Variants in RAB28 observed in about 807,000 individuals in gnomAD.
The protein encoded by RAB28 is RAB28, member RAS oncogene family.
In RAB28, 24 loss-of-function variants were observed where a neutral mutation model predicts 31.7. The ratio of observed to expected loss-of-function variants is 0.76; its 90% CI spans 0.55 to 1.06. The LOEUF (loss-of-function observed/expected upper bound fraction) is 1.06, where lower values mean the gene tolerates loss of function less well. RAB28 is among the 50% of genes least tolerant of loss of function. The probability of loss-of-function intolerance (pLI) is 0.00; values close to 1 mark genes in which losing one functional copy is unlikely to be tolerated. For missense variants in RAB28, 254 were observed against 258.5 expected (o/e 0.98, Z 0.12); for synonymous variants, 100 against 90.4 (o/e 1.11, Z -0.60).
intron 5 of RAB28, among the ~76,000 whole-genome samples, chr4:13,381,004 CCA>C (rs1267146699): frequency 1.3e-5 from 2 of 151,578 alleles, no homozygotes; most frequent in African/African-American, 4.8e-5. Flanking sequence ...ACTGTGAGCC[CCA>C]GAGTGTCACT....
At chr4:13,455,584 G>C (rs1715255789) in intron 4 of RAB28, among the ~76,000 whole-genome samples, 1 of 152,216 alleles carries the variant, frequency 6.6e-6, no homozygotes, top group South Asian at 2.1e-4. Context: ...CTCGTCTCAA[G>C]ATGGCACCAT....
At chr4:13,438,552 T>G (rs1003069804) in intron 4 of RAB28, among the ~76,000 whole-genome samples, 1 of 152,158 alleles carries the variant, frequency 6.6e-6, no homozygotes, top group Non-Finnish European at 1.5e-5. Context: ...CTACCTGGCT[T>G]CTTTTATTTA....
intron 4 of RAB28, among the ~76,000 whole-genome samples, chr4:13,421,838 T>C (rs1221166224): frequency 6.6e-6 from 1 of 152,082 alleles, no homozygotes; most frequent in Non-Finnish European, 1.5e-5. Context: ...GACACAGGCA[T>C]GGGCAAGGAC....
chr4:13,422,067 C>A (rs1339346613), intron 4 of RAB28, among the ~76,000 whole-genome samples: 20 of 149,846 alleles, frequency 1.3e-4, no homozygotes, highest in Non-Finnish European at 2.7e-4. Flanking sequence ...AAAAAAAAAA[C>A]AACCCCATCA....
At chr4:13,414,260 T>C (rs1481525063) in intron 4 of RAB28, among the ~76,000 whole-genome samples, 1 of 152,188 alleles carries the variant, frequency 6.6e-6, no homozygotes, top group Non-Finnish European at 1.5e-5. Flanking sequence ...ACATACTACC[T>C]TAACAGGTTA....
In RAB28 at chr4:13,451,438, G is replaced by C. The variant is rs1181083295; in HGVS notation, c.391+9261C>G. Among the ~76,000 whole-genome samples, 4 of 145,538 alleles carry C rather than the reference G, an allele frequency of 2.7e-5. No homozygotes were observed. In the South Asian group the frequency reaches 6.6e-4, roughly 24 times the overall value. On this transcript the variant is annotated intron_variant, in intron 4 of 6. Coordinates refer to ENST00000330852, the MANE Select transcript of RAB28 (RefSeq NM_001017979.3). ...TTTTTGTCTTTTGTTTTGGTTTTTTGCTGTTGAGATGTCTGCATCCCTTCT... is the reference window on the plus strand; with the variant it reads ...TTTTTGTCTTTTGTTTTGGTTTTTTCCTGTTGAGATGTCTGCATCCCTTCT...
At chr4:13,451,205 A>AT (rs993044488) in intron 4 of RAB28, among the ~76,000 whole-genome samples, 4 of 151,618 alleles carry the variant, frequency 2.6e-5, no homozygotes, top group African/African-American at 9.7e-5. Context: ...TTTCTTCTGT[A>AT]TTTTTTATAA....
chr4:13,395,422 A>T (rs899107856), intron 4 of RAB28, among the ~76,000 whole-genome samples: 1 of 152,090 alleles, frequency 6.6e-6, no homozygotes, highest in African/African-American at 2.4e-5. Flanking sequence ...CCCAAACATA[A>T]CAAGCAAAAT....
intron 4 of RAB28, among the ~76,000 whole-genome samples, chr4:13,440,796 T>C (rs776584885): frequency 1.7e-4 from 26 of 151,894 alleles, no homozygotes; most frequent in Non-Finnish European, 3.2e-4. Context: ...TGAGACCATA[T>C]GCATGGACCC....
intron 1 of RAB28, among the ~76,000 whole-genome samples, chr4:13,482,272 G>A (rs1011499765): frequency 1.1e-4 from 17 of 152,104 alleles, no homozygotes; most frequent in African/African-American, 4.1e-4. Context: ...GAGGAAACAT[G>A]TATGATAGGC....
chr4:13,369,884 C>A (rs762588284), intron 6 of RAB28: 1 of 1,611,536 alleles, frequency 6.2e-7, no homozygotes. Context: ...CACTACTGTA[C>A]TGAACAGATT....
At chr4:13,428,130 A>T (rs1372391389) in intron 4 of RAB28, among the ~76,000 whole-genome samples, 1 of 152,236 alleles carries the variant, frequency 6.6e-6, no homozygotes, top group Non-Finnish European at 1.5e-5. Flanking sequence ...GAATCTGTAG[A>T]TAACATAACC....
intron 3 of RAB28, among the ~76,000 whole-genome samples, chr4:13,465,418 C>A (rs1384187321): frequency 6.6e-6 from 1 of 150,976 alleles, no homozygotes; most frequent in Non-Finnish European, 1.5e-5. Flanking sequence ...AATATCCTAT[C>A]TATAAATGAA....
intron 5 of RAB28, 44 bp from the exon 6 acceptor site, chr4:13,376,666 T>C: frequency 7.8e-7 from 1 of 1,283,874 alleles, no homozygotes; most frequent in Non-Finnish European, 1.1e-6. Context: ...AGAGGCATGC[T>C]TAAGTTATCT....
chr4:13,460,985 G>A (rs1156457518), intron 3 of RAB28, among the ~76,000 whole-genome samples, 157 bp from the exon 4 acceptor site: 1 of 152,184 alleles, frequency 6.6e-6, no homozygotes, highest in Non-Finnish European at 1.5e-5. Flanking sequence ...CTTACTAGCA[G>A]ATTGATAATA....
At chr4:13,455,189 C>G (rs557545365) in intron 4 of RAB28, among the ~76,000 whole-genome samples, 1 of 152,258 alleles carries the variant, frequency 6.6e-6, no homozygotes, top group Admixed American at 6.5e-5. Flanking sequence ...GCTGTGTCTG[C>G]CAGAAGTCAC....
At chr4:13,372,192 A>G (rs1728742113) in intron 6 of RAB28, among the ~76,000 whole-genome samples, 1 of 152,100 alleles carries the variant, frequency 6.6e-6, no homozygotes, top group African/African-American at 2.4e-5. Flanking sequence ...AGATGCTAAG[A>G]GTCTAGCACA....
intron 1 of RAB28, among the ~76,000 whole-genome samples, chr4:13,480,882 T>A (rs1032932503): frequency 6.6e-6 from 1 of 151,978 alleles, no homozygotes; most frequent in East Asian, 1.9e-4. Context: ...GTTTCTCATC[T>A]ACACTATATT....
chr4:13,391,914 G>C (rs1729650169), intron 4 of RAB28, among the ~76,000 whole-genome samples: 1 of 152,068 alleles, frequency 6.6e-6, no homozygotes, highest in South Asian at 2.1e-4. Flanking sequence ...GGGAGGTGGG[G>C]GGCTGGGGGA....
Sources: gnomAD v4.1 joint callset for allele counts (sites outside exome capture counted in the v4.1 genomes callset) on GRCh38, gnomAD v4.1.1 for gene constraint, MANE v1.5 for transcripts, NCBI Gene and HGNC (gene_info 2026-07-23, HGNC 2026-07-21) for gene names.